The following LAMA2 variants were observed in gnomAD, a reference collection of about 807,000 sequenced individuals.
LAMA2 encodes the protein laminin subunit alpha-2.
Under a neutral mutation model 364.8 loss-of-function variants are expected in LAMA2, and 269 were observed. That is an observed-to-expected ratio of 0.74 (90% CI 0.67 to 0.82). The LOEUF is 0.82. LAMA2 is among the 40% of genes least tolerant of loss of function. The pLI, the probability that LAMA2 is intolerant of heterozygous loss-of-function variation, is 0.00. For synonymous variants in LAMA2, 1,379 were observed against 1,370.6 expected (o/e 1.01, Z -0.14); for missense variants, 3,807 against 3,873.2 (o/e 0.98, Z 0.45).
At chr6:129,298,511 A>G (rs1773348566) in intron 21 of LAMA2, among the ~76,000 whole-genome samples, 1 of 152,218 alleles carries the variant, frequency 6.6e-6, no homozygotes, top group Non-Finnish European at 1.5e-5. Flanking sequence ...CATTCTGCAG[A>G]TGAAAGTAAA....
chr6:129,089,905 T>C (rs993853485), intron 3 of LAMA2, among the ~76,000 whole-genome samples: 20 of 152,318 alleles, frequency 1.3e-4, no homozygotes, highest in African/African-American at 4.8e-4. Flanking sequence ...ACGATACCCT[T>C]TAGAGCTGAT....
At chr6:129,282,039 A>C (rs2114396891) in intron 18 of LAMA2, among the ~76,000 whole-genome samples, 1 of 152,284 alleles carries the variant, frequency 6.6e-6, no homozygotes, top group South Asian at 2.1e-4. Context: ...AAATCTTGTA[A>C]TCAAAACCAT....
intron 28 of LAMA2, among the ~76,000 whole-genome samples, chr6:129,325,225 A>G (rs539865544): frequency 6.6e-6 from 1 of 152,344 alleles, no homozygotes; most frequent in Non-Finnish European, 1.5e-5. Flanking sequence ...AGCAGAAGAA[A>G]ATTGAGCCAT....
chr6:129,280,778 AG>A (rs1245789951), intron 18 of LAMA2, among the ~76,000 whole-genome samples: 2 of 152,184 alleles, frequency 1.3e-5, no homozygotes, highest in African/African-American at 4.8e-5. Context: ...ATTCAGCCTC[AG>A]CATAAAAGTG....
rs1365657711 is a variant in LAMA2, at chr6:128,943,269, C to CACAGAGAGAGAGAGAGAGAG, written c.112+59913_112+59914insCAGAGAGAGAGAGAGAGAGA. ...GAGAGAGTGTGTGTGTATATATACA[C>CACAGAGAGAGAGAGAGAGAG]AGAGAGAGAGAGAGAGAGAGAGAGA... On this transcript the variant is annotated intron_variant, in intron 1 of 64. Transcript: ENST00000421865. Among the ~76,000 whole-genome samples, 135 of 143,182 alleles carry CACAGAGAGAGAGAGAGAGAG rather than the reference C, an allele frequency of 9.4e-4. 1 individual carries two copies. The highest frequency in any genetic ancestry group is 3.1e-3 in the African/African-American group (118 of 38,610). 93.9% of individuals were successfully genotyped at this position (143,182 alleles called of 152,430 possible). A position where few individuals can be genotyped will look rare whatever the true frequency, so the allele number is the denominator to read the frequency against.
intron 15 of LAMA2, among the ~76,000 whole-genome samples, chr6:129,262,325 A>G (rs1321732902): frequency 1.3e-5 from 2 of 152,216 alleles, no homozygotes; most frequent in East Asian, 1.9e-4. Flanking sequence ...GGATCTCAGC[A>G]CTGTATAATT....
At position 129,473,284 on chromosome 6, in the gene LAMA2, C is replaced by T; in HGVS notation, c.7371C>T (p.Asn2457=). Residue 2457 remains asparagine (N), a synonymous_variant, in exon 52 of 65, where the codon AAC becomes AAT. Coordinates refer to ENST00000421865, the MANE Select transcript of LAMA2 (RefSeq NM_000426.4). ...TAGCAACTTCGTCTTCTGGAAACAA[C>T]TTTGGTCTTGACTTGAAAGCAGATG... ...ENIATSSSGN[N]FGLDLKADDK... The T allele has an allele frequency of 6.2e-7, 1 of 1,611,960 alleles. No individual in the cohort carries two copies. The highest frequency in any genetic ancestry group is 1.7e-5 in the Admixed American group (1 of 59,930).
intron 1 of LAMA2, among the ~76,000 whole-genome samples, chr6:128,986,457 C>T (rs1783244986): frequency 6.6e-6 from 1 of 152,076 alleles, no homozygotes; most frequent in Non-Finnish European, 1.5e-5. Flanking sequence ...AGAGAAAATA[C>T]ATTATAGTTT....
chr6:128,895,090 A>T (rs184755817), intron 1 of LAMA2, among the ~76,000 whole-genome samples: 1 of 152,072 alleles, frequency 6.6e-6, no homozygotes, highest in Non-Finnish European at 1.5e-5. Flanking sequence ...AGCCAAAACC[A>T]CTTCAGTTTT....
At chr6:129,454,484 T>C (rs1053368547) in intron 47 of LAMA2, among the ~76,000 whole-genome samples, 196 bp downstream of exon 47, 2 of 152,156 alleles carry the variant, frequency 1.3e-5, no homozygotes, top group African/African-American at 2.4e-5. Flanking sequence ...CTTCCAGGTA[T>C]TGACCAGAGG....
intron 14 of LAMA2, among the ~76,000 whole-genome samples, chr6:129,257,113 G>A (rs1268319885): frequency 1.3e-5 from 2 of 151,850 alleles, no homozygotes; most frequent in African/African-American, 2.4e-5. Flanking sequence ...TTCTTTGATA[G>A]CTCATGCATC....
At chr6:129,328,469 G>A in intron 29 of LAMA2, 57 bp downstream of exon 29, 3 of 1,613,312 alleles carry the variant, frequency 1.9e-6, no homozygotes, top group Middle Eastern at 3.3e-4. Context: ...CTTTACACAT[G>A]CTCAGCATCT....
intron 40 of LAMA2, among the ~76,000 whole-genome samples, chr6:129,411,083 T>A (rs1384239783): frequency 6.6e-6 from 1 of 152,214 alleles, no homozygotes; most frequent in East Asian, 1.9e-4. Context: ...TCTTTTACTG[T>A]CATCCAGAAA....
At chr6:129,313,176 T>C in intron 23 of LAMA2, 79 bp downstream of exon 23, 1 of 851,422 alleles carries the variant, frequency 1.2e-6, no homozygotes, top group Non-Finnish European at 1.9e-6. Flanking sequence ...TCATTCAGTG[T>C]TTGTTATACC....
intron 40 of LAMA2, among the ~76,000 whole-genome samples, chr6:129,408,230 A>T (rs1004409666): frequency 6.6e-6 from 1 of 152,144 alleles, no homozygotes; most frequent in Non-Finnish European, 1.5e-5. Context: ...CATATTTTGG[A>T]CACTGATTCA....
At chr6:129,328,680 T>C (rs947957016) in intron 29 of LAMA2, among the ~76,000 whole-genome samples, 1 of 152,232 alleles carries the variant, frequency 6.6e-6, no homozygotes, top group Non-Finnish European at 1.5e-5. Context: ...AAAAATTATG[T>C]GTGCCTTTTT....
rs1304246842 is a variant in LAMA2, at chr6:128,982,564, AC to A, written c.113-67352del. On this transcript the variant is annotated intron_variant, in intron 1 of 64. Coordinates refer to ENST00000421865, the MANE Select transcript of LAMA2 (RefSeq NM_000426.4). ...TTGTATATCACTGTTGTTTTTATTT[AC>A]CTTTTTTTACCAGTTTTTTTCCAGT... 2.0e-5 allele frequency among the ~76,000 whole-genome samples: 3 copies of A among 151,704 alleles called. No individual in the cohort carries two copies. The East Asian group carries it at 5.8e-4, about 29-fold the overall frequency.
In LAMA2 at chr6:129,503,153, G is replaced by A. The variant is rs781097647; in HGVS notation, c.8420G>A (p.Arg2807His). 29 of 1,613,936 alleles carry A rather than the reference G, an allele frequency of 1.8e-5. No homozygotes were observed. The highest frequency in any genetic ancestry group is 1.6e-4 in the Middle Eastern group (1 of 6,084). The change falls in exon 60 of 65, where the codon CGC becomes CAC. Residue 2807 changes from arginine (R) to histidine (H), a missense_variant. Arg to His is a conservative substitution (Grantham distance 29, BLOSUM62 0). Transcript: ENST00000421865. ...AESGLLFYMA[R>H]INHADFATVQ... The stretch of plus-strand genomic sequence containing the variant: ...TCCGGCTTGCTTTTTTACATGGCTC[G>A]CATCAATCATGCTGATTTTGCAACA...
At chr6:129,356,470 T>C (rs1319920170) in intron 32 of LAMA2, among the ~76,000 whole-genome samples, 1 of 152,140 alleles carries the variant, frequency 6.6e-6, no homozygotes, top group Non-Finnish European at 1.5e-5. Context: ...TCTTTCATTC[T>C]TGTAACATTC....
Sources: allele counts gnomAD v4.1 joint callset (sites outside exome capture counted in the v4.1 genomes callset), GRCh38; gene constraint gnomAD v4.1.1; transcripts MANE v1.5; gene names NCBI Gene and HGNC (gene_info 2026-07-23, HGNC 2026-07-21).